The following CTNNBL1 variants were observed in gnomAD, a reference collection of about 807,000 sequenced individuals.
CTNNBL1 encodes the protein beta-catenin-like protein 1.
CTNNBL1 carries 31 observed loss-of-function variants against 72.7 expected under a neutral mutation model. The ratio of observed to expected loss-of-function variants is 0.43; its 90% confidence interval spans 0.32 to 0.58. The LOEUF (loss-of-function observed/expected upper bound fraction) is 0.58, where lower values mean the gene tolerates loss of function less well. CTNNBL1 is among the 20% of genes least tolerant of loss of function. The pLI, the probability that CTNNBL1 is intolerant of heterozygous loss-of-function variation, is 0.08. For synonymous variants in CTNNBL1, 240 were observed against 267.3 expected, an observed-to-expected ratio of 0.90 and a Z score of 1.00; for missense variants, 534 against 725.1, an observed-to-expected ratio of 0.74 and a Z score of 3.03.
chr20:37,800,546 C>T (rs1268655971), intron 10 of CTNNBL1, among the ~76,000 whole-genome samples: 1 of 152,210 alleles, frequency 6.6e-6, no homozygotes, highest in Non-Finnish European at 1.5e-5. Context: ...AAAGTATTCC[C>T]TGCTTGTGTG....
intron 5 of CTNNBL1, among the ~76,000 whole-genome samples, chr20:37,762,975 C>T (rs1369022246): frequency 6.6e-6 from 1 of 152,116 alleles, no homozygotes; most frequent in East Asian, 1.9e-4. Context: ...TGACAGTGTC[C>T]CCACTAGCTT....
chr20:37,825,357 A>C (rs1307321792), intron 11 of CTNNBL1, among the ~76,000 whole-genome samples: 1 of 106,268 alleles, frequency 9.4e-6, no homozygotes, highest in Non-Finnish European at 1.9e-5. Flanking sequence ...CGTCTCAAAA[A>C]ATAAAAATAA....
At chr20:37,727,168 A>T in intron 1 of CTNNBL1, 1 of 162,776 alleles carries the variant, frequency 6.1e-6, no homozygotes, top group Non-Finnish European at 1.3e-5. Context: ...TTAAAAAAAA[A>T]GAGGGAAAAA....
At chr20:37,833,853 A>C (rs1176346036) in intron 11 of CTNNBL1, among the ~76,000 whole-genome samples, 2 of 152,156 alleles carry the variant, frequency 1.3e-5, no homozygotes, top group Admixed American at 6.5e-5. Context: ...ATCTGTTCTT[A>C]GGGAAGCTAC....
At chr20:37,839,464 C>G (rs1177889683) in intron 11 of CTNNBL1, among the ~76,000 whole-genome samples, 5 of 152,044 alleles carry the variant, frequency 3.3e-5, no homozygotes, top group Non-Finnish European at 7.4e-5. Flanking sequence ...TATAATATAC[C>G]CTTGAATTAC....
chr20:37,740,127 A>C (rs1262895977), intron 3 of CTNNBL1, among the ~76,000 whole-genome samples: 1 of 152,208 alleles, frequency 6.6e-6, no homozygotes, highest in Non-Finnish European at 1.5e-5. Flanking sequence ...TTCCATTCAG[A>C]CAAAATGTAT....
rs762595386 is a variant in CTNNBL1, at chr20:37,872,023, G to T, written c.*10G>T. ...GCTGGAGAACTTCTAGAGGCACCTT[G>T]GCCCTGCGCATCATGGACTCTCTCA... On this transcript the variant is annotated 3_prime_UTR_variant, in exon 16 of 16. Transcript: ENST00000361383. 21 of 1,610,146 alleles carry T rather than the reference G, an allele frequency of 1.3e-5. No individual in the cohort carries two copies. The highest frequency in any genetic ancestry group is 2.7e-5 in the African/African-American group (2 of 74,806).
rs181190374 is a variant in CTNNBL1, at chr20:37,763,952, A to G, written c.565-1245A>G. 1.6e-3 allele frequency among the ~76,000 whole-genome samples: 247 copies of G among 152,346 alleles called. 2 individuals carry two copies. The highest frequency in any genetic ancestry group is 2.8e-3 in the Non-Finnish European group (192 of 68,034). ...GAGTATCTGCCGTATATGGCATTGT[A>G]GTAGACTTGGGGTATACAAAGATGA... On this transcript the variant is annotated intron_variant, in intron 5 of 15. Coordinates refer to ENST00000361383, the MANE Select transcript of CTNNBL1 (RefSeq NM_030877.5).
At chr20:37,745,817 C>G (rs1021281672) in intron 3 of CTNNBL1, among the ~76,000 whole-genome samples, 1 of 152,130 alleles carries the variant, frequency 6.6e-6, no homozygotes, top group African/African-American at 2.4e-5. Context: ...GGGCATGCAG[C>G]GTGAATGCAA....
At chr20:37,732,823 A>G (rs2073140597) in intron 1 of CTNNBL1, 56 bp from the exon 2 acceptor site, 1 of 1,534,224 alleles carries the variant, frequency 6.5e-7, no homozygotes. Flanking sequence ...ATGAGCCACC[A>G]CGCCTGGCTT....
intron 3 of CTNNBL1, among the ~76,000 whole-genome samples, chr20:37,742,661 A>G (rs1290180078): frequency 6.6e-6 from 1 of 151,948 alleles, no homozygotes; most frequent in Non-Finnish European, 1.5e-5. Context: ...CTGTCTCTTT[A>G]AGCTTTGTGT....
At chr20:37,713,744 A>T (rs2072960496) in intron 1 of CTNNBL1, among the ~76,000 whole-genome samples, 1 of 152,228 alleles carries the variant, frequency 6.6e-6, no homozygotes, top group Non-Finnish European at 1.5e-5. Flanking sequence ...AAAGCAGCTC[A>T]TAGAGGAGCA....
intron 1 of CTNNBL1, among the ~76,000 whole-genome samples, chr20:37,697,745 A>G (rs2072806467): frequency 6.6e-6 from 1 of 152,130 alleles, no homozygotes; most frequent in Non-Finnish European, 1.5e-5. Context: ...ATTATTTTTT[A>G]ATGTTTACAC....
intron 13 of CTNNBL1, among the ~76,000 whole-genome samples, chr20:37,849,385 G>C (rs1486134042): frequency 6.6e-6 from 1 of 152,152 alleles, no homozygotes; most frequent in Non-Finnish European, 1.5e-5. Context: ...TTTGGCCCCT[G>C]CTGGCTGCTC....
chr20:37,764,779 A>G (rs1398955811), intron 5 of CTNNBL1, among the ~76,000 whole-genome samples: 1 of 152,186 alleles, frequency 6.6e-6, no homozygotes, highest in African/African-American at 2.4e-5. Context: ...CTTTTGGTGC[A>G]TTGGCCTAAA....
At chr20:37,721,683 C>A (rs2073041474) in intron 1 of CTNNBL1, among the ~76,000 whole-genome samples, 1 of 152,244 alleles carries the variant, frequency 6.6e-6, no homozygotes, top group Non-Finnish European at 1.5e-5. Context: ...CTCTCTTAAC[C>A]TCCTTTAGAA....
intron 5 of CTNNBL1, among the ~76,000 whole-genome samples, chr20:37,761,609 G>A (rs76441682): frequency 0.031 from 4,705 of 152,286 alleles, 229 homozygotes; most frequent in African/African-American, 0.11. Context: ...CTGATTGTAG[G>A]AACCAGCTAT....
chr20:37,818,214 C>G (rs551839631), intron 11 of CTNNBL1, among the ~76,000 whole-genome samples: 13 of 152,262 alleles, frequency 8.5e-5, no homozygotes, highest in Admixed American at 2.6e-4. Context: ...AGGTTTAGAT[C>G]CTGGGAGACA....
chr20:37,742,003 C>T lies in CTNNBL1; in HGVS notation c.327-4465C>T, dbSNP rs541038723. On this transcript the variant is annotated intron_variant, in intron 3 of 15. Transcript: ENST00000361383. ...CTCTTGGTATTTTTTTTTTTAATGT[C>T]ATCCTTTATTAACTATCCCAGTGAG... 7.3e-5 allele frequency among the ~76,000 whole-genome samples: 11 copies of T among 151,692 alleles called. No homozygotes were observed. The South Asian group carries it at 2.1e-3, about 29-fold the overall frequency.
Sources: gnomAD v4.1 joint callset for allele counts (sites outside exome capture counted in the v4.1 genomes callset) on GRCh38, gnomAD v4.1.1 for gene constraint, MANE v1.5 for transcripts, NCBI Gene and HGNC (gene_info 2026-07-23, HGNC 2026-07-21) for gene names.